Variants in INO80D observed in about 807,000 individuals in gnomAD.
The protein encoded by INO80D is INO80 complex subunit D.
A neutral mutation model predicts 87.6 loss-of-function variants in INO80D; 21 were observed. That is an observed-to-expected ratio of 0.24 (90% CI 0.17 to 0.35). The LOEUF is 0.35. Ranked by LOEUF, INO80D falls within the 10% of genes least tolerant of loss-of-function variation. The pLI, the probability that INO80D is intolerant of heterozygous loss-of-function variation, is 1.00. For synonymous variants in INO80D, 440 were observed against 491.0 expected, an observed-to-expected ratio of 0.90 and a Z score of 1.37; for missense variants, 982 against 1,280.7, an observed-to-expected ratio of 0.77 and a Z score of 3.56.
At chr2:206,078,426 A>G (rs1690182706) in intron 1 of INO80D, among the ~76,000 whole-genome samples, 1 of 152,172 alleles carries the variant, frequency 6.6e-6, no homozygotes, top group South Asian at 2.1e-4. Flanking sequence ...AAAAAAATAA[A>G]TAAAAGAAGA....
intron 5 of INO80D, among the ~76,000 whole-genome samples, chr2:206,039,138 C>T (rs1452910069): frequency 6.6e-6 from 1 of 152,174 alleles, no homozygotes; most frequent in African/African-American, 2.4e-5. Context: ...TACCTCACCC[C>T]GGTAATCCCA....
intron 6 of INO80D, among the ~76,000 whole-genome samples, chr2:206,022,794 AGTTCTGCCTCCCGG>A: frequency 6.6e-6 from 1 of 152,220 alleles, no homozygotes; most frequent in East Asian, 1.9e-4. Context: ...GCTCACTGCA[AGTTCTGCCTCCCGG>A]GTTCAAGCAA....
chr2:206,007,849 A>G (rs1317036068), intron 9 of INO80D: 2 of 154,958 alleles, frequency 1.3e-5, no homozygotes, highest in East Asian at 3.8e-4. Flanking sequence ...AAATCAAAAA[A>G]CAAGCTAATA....
chr2:206,063,190 A>AC lies in INO80D; in HGVS notation c.-70dup. 1.6e-6 allele frequency: 1 copy of AC among 613,922 alleles called. No individual in the cohort carries two copies. The highest frequency in any genetic ancestry group is 2.8e-6 in the Non-Finnish European group (1 of 352,984). The allele number at this position is 613,922 out of a possible 1,614,324, so 38.0% of individuals were successfully genotyped here. ...TCTGCACCATAGCAATGTTAAGAGA[A>AC]CCCCCAAGGATACCACAGTTTGGAA... On this transcript the variant is annotated 5_prime_UTR_variant, in exon 2 of 11. Transcript: ENST00000403263.
In INO80D at chr2:205,995,250, TG is replaced by T. The variant is rs1687788972; in HGVS notation, c.*9117del. 6.6e-6 allele frequency: 1 copy of T among 152,192 alleles called. No individual in the cohort carries two copies. The highest frequency in any genetic ancestry group is 6.5e-5 in the Admixed American group (1 of 15,272). The allele number at this position is 152,192 out of a possible 1,614,324, so 9.4% of individuals were successfully genotyped here. On this transcript the variant is annotated 3_prime_UTR_variant, in exon 11 of 11. Transcript: ENST00000403263. ...GGAAAAATGCACAAAGCTCCTCAAG[TG>T]AATCTCCAGCTCTTTCTTACTCTCA... is the stretch of plus-strand genomic sequence containing the variant.
chr2:206,014,396 C>T (rs980350853), intron 8 of INO80D, among the ~76,000 whole-genome samples: 4 of 152,128 alleles, frequency 2.6e-5, no homozygotes, highest in African/African-American at 7.2e-5. Flanking sequence ...ATAATTCCCA[C>T]GTGTTGTGGG....
chr2:206,058,510 G>A (rs374166063), intron 3 of INO80D, among the ~76,000 whole-genome samples: 6 of 151,980 alleles, frequency 3.9e-5, no homozygotes, highest in African/African-American at 1.4e-4. Context: ...CAAGACAGGT[G>A]GATCACCTGA....
At position 206,028,118 on chromosome 2, in the gene INO80D, G is replaced by A; in HGVS notation, c.1291C>T (p.Arg431Ter). 6.5e-7 allele frequency: 1 copy of A among 1,537,518 alleles called. No individual in the cohort carries two copies. The change falls in exon 6 of 11, where the codon CGA becomes TGA. Residue 431 changes from arginine to a stop codon, truncating the protein, a stop_gained. Coordinates refer to ENST00000403263, the MANE Select transcript of INO80D (RefSeq NM_017759.5). LOFTEE classifies it high-confidence loss of function. ...IQELRRAACS[R>*]TSISRTKLRE... ...GGTTGCTGTGGCTCTAACCTGGTTCGACTGCATGCAGCTCTCCGCAGTTCT... is the reference window on the plus strand; with the variant it reads ...GGTTGCTGTGGCTCTAACCTGGTTCAACTGCATGCAGCTCTCCGCAGTTCT...
chr2:206,076,481 G>C (rs1281347190), intron 1 of INO80D, among the ~76,000 whole-genome samples: 1 of 152,140 alleles, frequency 6.6e-6, no homozygotes, highest in Non-Finnish European at 1.5e-5. Context: ...GTAAAAAATA[G>C]TAAAATCAGA....
At chr2:206,014,449 TC>T (rs1465193936) in intron 8 of INO80D, among the ~76,000 whole-genome samples, 2 of 152,064 alleles carry the variant, frequency 1.3e-5, no homozygotes, top group Non-Finnish European at 2.9e-5. Context: ...GGCAGGTCTT[TC>T]CCCTGTTGTT....
chr2:206,079,936 T>C (rs1047382827), intron 1 of INO80D, among the ~76,000 whole-genome samples: 11 of 152,296 alleles, frequency 7.2e-5, no homozygotes, highest in African/African-American at 2.2e-4. Flanking sequence ...TCACACCTTA[T>C]GGAATGCCGA....
In INO80D at chr2:206,056,773, G is replaced by A; in HGVS notation, c.389C>T (p.Ser130Phe). The A allele has an allele frequency of 6.2e-7, 1 of 1,612,938 alleles. No individual in the cohort carries two copies. The highest frequency in any genetic ancestry group is 1.1e-5 in the South Asian group (1 of 90,788). ...GACCCTTGCCCCAGGTGGAGAGAGG[G>A]ACATTCCATCCAGTCCGTTGGGCAT... ...LKMPNGLDGM[S>F]LSPPGARVPL... The change falls in exon 4 of 11, where the codon TCC becomes TTC. Residue 130 changes from serine (S) to phenylalanine (F), a missense_variant. By Grantham distance (155) the Ser-to-Phe change is radical. Transcript: ENST00000403263.
chr2:206,031,597 G>A (rs2105839990), intron 5 of INO80D, among the ~76,000 whole-genome samples: 1 of 152,334 alleles, frequency 6.6e-6, no homozygotes, highest in African/African-American at 2.4e-5. Context: ...TGCCTCCTGT[G>A]CTGCGCAGCA....
rs1042318684 is a variant in INO80D at position 206,004,152 on chromosome 2, G to A, written c.*216C>T. The A allele has an allele frequency of 2.0e-5, 12 of 586,488 alleles. No individual in the cohort carries two copies. Among genetic ancestry groups the A allele is most frequent in the Non-Finnish European group, 3.0e-5 (10 of 329,934 alleles). 36.3% of individuals were successfully genotyped at this position (586,488 alleles called of 1,614,324 possible). On this transcript the variant is annotated 3_prime_UTR_variant, in exon 11 of 11. Coordinates refer to ENST00000403263, the MANE Select transcript of INO80D (RefSeq NM_017759.5). This position sits in a 1 kb window ranked among gnomAD's most constrained non-coding sequence, Gnocchi z 4.9. ...ACTAAGGAAACCACTGGGGCGGAGT[G>A]GGCCTGCCAGGAGGGAATGAGCACC...
Position 206,004,589 on chromosome 2 carries a change from C to T in INO80D, c.2863G>A (p.Gly955Ser). ...ATTAGTTCAGCAGAAGGCCCCATGCCACTGAAGCTGGTCTGTGGTAACCCC... is the reference window on the plus strand; with the variant it reads ...ATTAGTTCAGCAGAAGGCCCCATGCTACTGAAGCTGGTCTGTGGTAACCCC... ...LPGLPQTSFS[G>S]MGPSAELMAS... Residue 955 changes from glycine to serine, a missense_variant, in exon 11 of 11, where the codon GGC becomes AGC. By Grantham distance (56) the Gly-to-Ser change is moderately conservative. Transcript: ENST00000403263. This position sits in a 1 kb window ranked among gnomAD's most constrained non-coding sequence, Gnocchi z 4.9. 1 of 1,611,950 alleles carries T rather than the reference C, an allele frequency of 6.2e-7. No individual in the cohort carries two copies. Among genetic ancestry groups the T allele is most frequent in the Non-Finnish European group, 8.5e-7 (1 of 1,179,024 alleles).
In INO80D at chr2:206,028,121, T is replaced by C; in HGVS notation, c.1288A>G (p.Ser430Gly). The stretch of plus-strand genomic sequence containing the variant: ...TGCTGTGGCTCTAACCTGGTTCGAC[T>C]GCATGCAGCTCTCCGCAGTTCTTGT... ...LIQELRRAAC[S>G]RTSISRTKLR... is the part of the protein sequence containing the mutation. Residue 430 changes from serine (S) to glycine (G), a missense_variant, in exon 6 of 11, where the codon AGT (serine) becomes GGT (glycine). Ser to Gly is a moderately conservative substitution (Grantham distance 56, BLOSUM62 0). Transcript: ENST00000403263. 4 of 1,540,282 alleles carry C rather than the reference T, an allele frequency of 2.6e-6. No individual in the cohort carries two copies. Among genetic ancestry groups the C allele is most frequent in the Non-Finnish European group, 3.5e-6 (4 of 1,138,326 alleles).
intron 10 of INO80D, among the ~76,000 whole-genome samples, chr2:206,005,901 C>T (rs940364555): frequency 6.6e-6 from 1 of 152,094 alleles, no homozygotes; most frequent in Non-Finnish European, 1.5e-5. Flanking sequence ...ACATAGAAAA[C>T]ATATATCAAC....
At chr2:206,020,733 G>A (rs1394231099) in intron 6 of INO80D, among the ~76,000 whole-genome samples, 1 of 152,026 alleles carries the variant, frequency 6.6e-6, no homozygotes, top group East Asian at 1.9e-4. Context: ...GTGAAGAATC[G>A]ACTTCTTGCC....
rs1250232175 is a variant in INO80D, at chr2:206,056,249, T to C, written c.913A>G (p.Lys305Glu). 1 of 1,610,666 alleles carries C rather than the reference T, an allele frequency of 6.2e-7. No homozygotes were observed. The highest frequency in any genetic ancestry group is 8.5e-7 in the Non-Finnish European group (1 of 1,178,662). ...AACTGATGTTTCTGGGTGCACAGTT[T>C]CACCAGTCTCTGCAGTCGGCTTATA... Reference protein sequence around the residue: ...SCISRLQRLVKLCTQKHQLDT... With the variant: ...SCISRLQRLVELCTQKHQLDT... The change falls in exon 4 of 11, where the codon AAA becomes GAA. Residue 305 changes from lysine (K) to glutamate (E), a missense_variant. Physicochemically the swap from Lys to Glu is moderately conservative, Grantham distance 56. Coordinates refer to ENST00000403263, the MANE Select transcript of INO80D (RefSeq NM_017759.5).
Sources: allele counts gnomAD v4.1 joint callset (sites outside exome capture counted in the v4.1 genomes callset), GRCh38; gene constraint gnomAD v4.1.1; non-coding constraint Gnocchi (gnomAD v3.1); transcripts MANE v1.5; gene names NCBI Gene and HGNC (gene_info 2026-07-23, HGNC 2026-07-21).